The following CTSB variants were observed in gnomAD, a reference collection of about 807,000 sequenced individuals.
The protein encoded by CTSB is APP secretase.
In CTSB, 57 loss-of-function variants were observed where a neutral mutation model predicts 44.3. That is an observed-to-expected ratio of 1.29 (90% confidence interval 1.04 to 1.60). The LOEUF (loss-of-function observed/expected upper bound fraction) is 1.60. CTSB is among the 40% of genes most tolerant of loss of function. The probability of loss-of-function intolerance (pLI) is 0.00; values close to 1 mark genes in which losing one functional copy is unlikely to be tolerated. For synonymous variants in CTSB, 320 were observed against 168.0 expected (o/e 1.91, Z -7.00); for missense variants, 768 against 443.0 (o/e 1.73, Z -6.59).
intron 1 of CTSB, among the ~76,000 whole-genome samples, chr8:11,863,276 T>C (rs150746791): frequency 0.022 from 3,325 of 152,076 alleles, 57 homozygotes; most frequent in Middle Eastern, 0.051. Context: ...CCGACAAACA[T>C]AGTGACATCC....
rs201709750 is a variant in CTSB at position 11,847,652 on chromosome 8, G to A, written c.676+27C>T. 1,090 of 1,507,008 alleles carry A rather than the reference G, an allele frequency of 7.2e-4. 10 individuals are homozygous for A. The African/African-American group carries it at 0.013, about 18-fold the overall frequency. The allele number at this position is 1,507,008 out of a possible 1,614,324, so 93.4% of individuals were successfully genotyped here. Reference sequence around the variant, plus strand: ...CAGCAGCTCCCCAGCCTCCACGTGCGCCGTGGCCAGGCCCCAGGCCCCTTA... The same window carrying A: ...CAGCAGCTCCCCAGCCTCCACGTGCACCGTGGCCAGGCCCCAGGCCCCTTA... On this transcript the variant is annotated intron_variant, in intron 7 of 9. Coordinates refer to ENST00000353047, the MANE Select transcript of CTSB (RefSeq NM_001908.5).
chr8:11,848,280 G>C (rs757814033), intron 5 of CTSB, 128 bp from the exon 6 acceptor site: 3 of 779,046 alleles, frequency 3.9e-6, no homozygotes, highest in Non-Finnish European at 6.8e-6. Context: ...GGTGCGAGCA[G>C]ACCTCCCAGA....
At chr8:11,852,418 G>C (rs1814755200) in intron 3 of CTSB, among the ~76,000 whole-genome samples, 192 bp downstream of exon 3, 2 of 152,072 alleles carry the variant, frequency 1.3e-5, no homozygotes, top group African/African-American at 2.4e-5. Context: ...ACTTGAGAAG[G>C]AAAAAATAAA....
chr8:11,853,494 G>A lies in CTSB; in HGVS notation c.-25-15C>T, dbSNP rs1288256230. 2 of 1,602,490 alleles carry A rather than the reference G, an allele frequency of 1.2e-6. No individual in the cohort carries two copies. The highest frequency in any genetic ancestry group is 1.7e-6 in the Non-Finnish European group (2 of 1,175,430). On this transcript the variant is annotated splice_polypyrimidine_tract_variant and intron_variant, in intron 1 of 9. Transcript: ENST00000353047. ...CCTAGATCCACCTGGAGAGGACAGA[G>A]GGCATCAGGACACCTCTCTGTTATG...
At chr8:11,854,490 CTTT>C (rs749714527) in intron 1 of CTSB, among the ~76,000 whole-genome samples, 7 of 139,698 alleles carry the variant, frequency 5.0e-5, no homozygotes, top group East Asian at 2.1e-4. Flanking sequence ...TGGAAAAAAG[CTTT>C]TTTTTTTTTT....
chr8:11,850,684 C>A, intron 4 of CTSB, 182 bp downstream of exon 4: 1 of 503,386 alleles, frequency 2.0e-6, no homozygotes, highest in East Asian at 3.1e-5. Flanking sequence ...CGCCACTCCA[C>A]CTAATCCTCG....
chr8:11,850,574 G>C (rs1454329362), intron 4 of CTSB: 1 of 279,446 alleles, frequency 3.6e-6, no homozygotes, highest in Non-Finnish European at 6.8e-6. Context: ...CAGAGTAGCA[G>C]TGAGAGCTCC....
At chr8:11,861,898 A>C (rs1034337165) in intron 1 of CTSB, among the ~76,000 whole-genome samples, 1 of 152,238 alleles carries the variant, frequency 6.6e-6, no homozygotes, top group Non-Finnish European at 1.5e-5. Flanking sequence ...GCTGACGCGA[A>C]GGCCAGCCAC....
rs1427056292 is a variant in CTSB at position 11,844,057 on chromosome 8, G to A, written c.*1068C>T. The A allele has an allele frequency of 1.3e-5, 2 of 152,150 alleles. No homozygotes were observed. The highest frequency in any genetic ancestry group is 2.9e-5 in the Non-Finnish European group (2 of 68,018). 9.4% of individuals were successfully genotyped at this position (152,150 alleles called of 1,614,324 possible). On this transcript the variant is annotated 3_prime_UTR_variant, in exon 10 of 10. Transcript: ENST00000353047. ...GTCACAACAACAACAAAAAAATAGA[G>A]CACAGCTATGTTTTGAGTTCTTAAG...
rs200331281 is a variant in CTSB at position 11,845,802 on chromosome 8, G to A, written c.794-13C>T. On this transcript the variant is annotated splice_polypyrimidine_tract_variant and intron_variant, in intron 8 of 9. Transcript: ENST00000353047. ...TGTTGGTACACTCCTGAAAAGGGAA[G>A]AACTGGCTGAGACCGAGACCGGGCC... 1.9e-6 allele frequency: 3 copies of A among 1,607,214 alleles called. No homozygotes were observed. Among genetic ancestry groups the A allele is most frequent in the South Asian group, 1.1e-5 (1 of 90,612 alleles).
At chr8:11,853,725 G>C (rs1382452620) in intron 1 of CTSB, 5 of 433,172 alleles carry the variant, frequency 1.2e-5, no homozygotes, top group African/African-American at 4.0e-5. Context: ...GGCTGTGCTG[G>C]ACGAGACCGA....
chr8:11,849,243 G>A, intron 4 of CTSB, 79 bp from the exon 5 acceptor site: 3 of 1,118,788 alleles, frequency 2.7e-6, no homozygotes, highest in East Asian at 2.4e-5. Context: ...AAGGGCCACA[G>A]GGGCACCTCA....
intron 9 of CTSB, 119 bp from the exon 10 acceptor site, chr8:11,845,341 G>A: frequency 6.5e-6 from 5 of 774,924 alleles, no homozygotes; most frequent in South Asian, 4.9e-5. Flanking sequence ...TGGCCCACTA[G>A]CACAGTCCTC....
intron 1 of CTSB, among the ~76,000 whole-genome samples, chr8:11,859,228 G>T (rs953438668): frequency 6.6e-6 from 1 of 152,150 alleles, no homozygotes; most frequent in African/African-American, 2.4e-5. Context: ...TCTGTAGAAC[G>T]TTGTTATGTG....
intron 1 of CTSB, among the ~76,000 whole-genome samples, chr8:11,861,686 C>T (rs1019794992): frequency 1.1e-4 from 16 of 152,336 alleles, no homozygotes; most frequent in Admixed American, 5.9e-4. Flanking sequence ...CTGACTTGCT[C>T]AGATGCTGAC....
chr8:11,844,880 C>G lies in CTSB; in HGVS notation c.*245G>C. The G allele has an allele frequency of 2.0e-6, 1 of 511,000 alleles. No homozygotes were observed. The highest frequency in any genetic ancestry group is 3.2e-5 in the Admixed American group (1 of 31,240). The allele number at this position is 511,000 out of a possible 1,614,324, so 31.7% of individuals were successfully genotyped here. On this transcript the variant is annotated 3_prime_UTR_variant, in exon 10 of 10. Transcript: ENST00000353047. ...CAGCTGGGGCAGCAGGTACTCCCTA[C>G]GGCACTAGTCTACAGGGGGAAGGAC...
At chr8:11,849,741 C>T (rs1257029107) in intron 4 of CTSB, among the ~76,000 whole-genome samples, 3 of 152,016 alleles carry the variant, frequency 2.0e-5, no homozygotes, top group Non-Finnish European at 4.4e-5. Context: ...CCACCAGGCC[C>T]AGCTAAGTTT....
In CTSB at chr8:11,846,826, G is replaced by C. The variant is rs530169879; in HGVS notation, c.793+226C>G. Among the ~76,000 whole-genome samples the C allele has an allele frequency of 4.6e-5, 7 of 152,246 alleles. 1 individual carries two copies. Among genetic ancestry groups the C allele is most frequent in the African/African-American group, 7.2e-5 (3 of 41,556 alleles). ...AGGAACTAGCCCAGAGGCTCTGGGA[G>C]AGGCCTCTGGAATTGTGTGTGTTGG... On this transcript the variant is annotated intron_variant, in intron 8 of 9. Coordinates refer to ENST00000353047, the MANE Select transcript of CTSB (RefSeq NM_001908.5).
intron 1 of CTSB, among the ~76,000 whole-genome samples, chr8:11,862,717 A>G (rs1218331296): frequency 6.6e-6 from 1 of 152,256 alleles, no homozygotes; most frequent in Non-Finnish European, 1.5e-5. Flanking sequence ...TGCGCAAGCC[A>G]GGAAGCTGTG....
Sources: gnomAD v4.1 joint callset for allele counts (sites outside exome capture counted in the v4.1 genomes callset) on GRCh38, gnomAD v4.1.1 for gene constraint, MANE v1.5 for transcripts, NCBI Gene and HGNC (gene_info 2026-07-23, HGNC 2026-07-21) for gene names.